MYO16: variants seen among roughly 807,000 people sequenced by gnomAD.
MYO16 encodes the protein myosin XVI, also known as unconventional myosin-XVI.
MYO16 carries 94 observed loss-of-function variants against 205.3 expected under a neutral mutation model. That is an observed-to-expected ratio of 0.46 (90% CI 0.39 to 0.54). MYO16 has a LOEUF of 0.54. Ranked by LOEUF, MYO16 falls within the 20% of genes least tolerant of loss-of-function variation. MYO16 has a pLI of 0.00. For synonymous variants in MYO16, 988 were observed against 954.0 expected, an observed-to-expected ratio of 1.04 and a Z score of -0.66; for missense variants, 2,315 against 2,387.5, an observed-to-expected ratio of 0.97 and a Z score of 0.63.
chr13:108,676,916 G>A (rs1332395279), intron 2 of MYO16, among the ~76,000 whole-genome samples: 1 of 152,024 alleles, frequency 6.6e-6, no homozygotes, highest in Admixed American at 6.6e-5. Flanking sequence ...AGCCCTCCCC[G>A]ACATCCTCAG....
At chr13:108,636,183 G>A (rs1451925071) in intron 1 of MYO16, among the ~76,000 whole-genome samples, 1 of 151,950 alleles carries the variant, frequency 6.6e-6, no homozygotes, top group Admixed American at 6.6e-5. Context: ...TTTAGTTTAA[G>A]GTTACACTGT....
chr13:108,606,459 C>T (rs1026704832), intron 1 of MYO16, among the ~76,000 whole-genome samples: 2 of 152,190 alleles, frequency 1.3e-5, no homozygotes, highest in African/African-American at 2.4e-5. Context: ...GACCAAGGTA[C>T]AGCTTGGGCC....
intron 4 of MYO16, among the ~76,000 whole-genome samples, chr13:108,781,573 C>CCCA (rs1251691324): frequency 1.3e-5 from 2 of 152,166 alleles, no homozygotes; most frequent in Non-Finnish European, 2.9e-5. Context: ...CATTAGCGAG[C>CCCA]CAAGCTTGGC....
intron 1 of MYO16, among the ~76,000 whole-genome samples, chr13:108,607,936 T>C (rs1240234299): frequency 6.6e-6 from 1 of 152,208 alleles, no homozygotes; most frequent in Non-Finnish European, 1.5e-5. Context: ...GTTCCTGTTC[T>C]CTGATCCTAC....
At chr13:108,589,692 C>T in the MYO16 span, among the ~76,000 whole-genome samples, 3 of 152,080 alleles carry the variant, frequency 2.0e-5, no homozygotes, top group African/African-American at 7.2e-5. Context: ...CTCTCCCTCT[C>T]GCTGTCTGTC....
rs190739883 is a variant in MYO16, at chr13:108,763,443, C to T, written c.508-22192C>T. 1.6e-4 allele frequency among the ~76,000 whole-genome samples: 25 copies of T among 152,268 alleles called. 1 individual carries two copies. Among genetic ancestry groups the T allele is most frequent in the Admixed American group, 9.2e-4 (14 of 15,298 alleles). The stretch of plus-strand genomic sequence containing the variant: ...GGGAAATCTGCAGGTTCCGTCCTTG[C>T]AAGAACACTGCATAAAATCCTGGAA... On this transcript the variant is annotated intron_variant, in intron 4 of 34. Transcript: ENST00000457511.
At chr13:109,038,404 T>A (rs1273424867) in intron 23 of MYO16, among the ~76,000 whole-genome samples, 1 of 152,126 alleles carries the variant, frequency 6.6e-6, no homozygotes, top group Non-Finnish European at 1.5e-5. Flanking sequence ...TCTCTCTGCT[T>A]GACTGCTTGA....
intron 6 of MYO16, among the ~76,000 whole-genome samples, chr13:108,804,725 T>G (rs1887063404): frequency 6.6e-6 from 1 of 152,152 alleles, no homozygotes. Flanking sequence ...AGGGTTTTCA[T>G]TTGTTTGTTT....
intron 20 of MYO16, among the ~76,000 whole-genome samples, chr13:108,972,233 C>A (rs1884046798): frequency 6.3e-5 from 1 of 15,768 alleles, no homozygotes; most frequent in Non-Finnish European, 1.3e-4. Context: ...CTCTCTCTCT[C>A]TCTCTCTCTC....
At chr13:108,756,816 C>G (rs1265292317) in intron 4 of MYO16, among the ~76,000 whole-genome samples, 2 of 152,174 alleles carry the variant, frequency 1.3e-5, no homozygotes, top group Non-Finnish European at 2.9e-5. Context: ...TTTACCAACT[C>G]TCTTGGCATC....
At chr13:108,565,693 C>G in the MYO16 span, among the ~76,000 whole-genome samples, 1 of 152,078 alleles carries the variant, frequency 6.6e-6, no homozygotes, top group African/African-American at 2.4e-5. Context: ...TCTGATTGCT[C>G]TAGCTAGACC....
At chr13:109,183,495 G>A (rs2139925655) in intron 34 of MYO16, among the ~76,000 whole-genome samples, 1 of 152,322 alleles carries the variant, frequency 6.6e-6, no homozygotes, top group Middle Eastern at 3.4e-3. Context: ...GTCCACACTT[G>A]ACATTGAGAA....
At chr13:109,028,634 G>A (rs1886442405) in intron 23 of MYO16, among the ~76,000 whole-genome samples, 1 of 150,092 alleles carries the variant, frequency 6.7e-6, no homozygotes, top group Non-Finnish European at 1.5e-5. Context: ...TTTTATGATG[G>A]CATAAAAACT....
intron 34 of MYO16, among the ~76,000 whole-genome samples, chr13:109,182,344 G>A (rs1365192985): frequency 6.6e-6 from 1 of 152,100 alleles, no homozygotes; most frequent in Non-Finnish European, 1.5e-5. Flanking sequence ...GCAGAGTGAG[G>A]GACATATAAT....
In MYO16 at chr13:108,712,660, G is replaced by A; in HGVS notation, c.293-1G>A. 1.2e-6 allele frequency: 2 copies of A among 1,614,046 alleles called. No homozygotes were observed. The highest frequency in any genetic ancestry group is 8.5e-7 in the Non-Finnish European group (1 of 1,179,872). ...TCCATTCTCCTCTCTGTTGTTTTCA[G>A]TGCTTCGGCTCCTGAAGGAGGGGGC... On this transcript the variant is annotated splice_acceptor_variant, in intron 2 of 34. Transcript: ENST00000457511. LOFTEE classifies it high-confidence loss of function.
chr13:108,723,657 C>A (rs1455400599), intron 3 of MYO16, among the ~76,000 whole-genome samples: 2 of 152,078 alleles, frequency 1.3e-5, no homozygotes, highest in African/African-American at 4.8e-5. Context: ...TTTCTAAATT[C>A]TCTATTATGT....
At chr13:108,558,105 C>A in the MYO16 span, among the ~76,000 whole-genome samples, 16 of 152,092 alleles carry the variant, frequency 1.1e-4, no homozygotes, top group Non-Finnish European at 2.1e-4. Context: ...AAATGAAAAA[C>A]AAAATTAAAT....
intron 20 of MYO16, among the ~76,000 whole-genome samples, chr13:108,974,637 T>A (rs989183726): frequency 6.6e-6 from 1 of 152,218 alleles, no homozygotes; most frequent in Non-Finnish European, 1.5e-5. Flanking sequence ...ATTGAAGAAT[T>A]CTATTTTTGT....
At chr13:109,203,144 C>T (rs1269089966) in intron 34 of MYO16, among the ~76,000 whole-genome samples, 1 of 152,152 alleles carries the variant, frequency 6.6e-6, no homozygotes, top group African/African-American at 2.4e-5. Flanking sequence ...TAGGCAAAGA[C>T]TTTATGACCA....
Sources: gnomAD v4.1 joint callset for allele counts (sites outside exome capture counted in the v4.1 genomes callset) on GRCh38, gnomAD v4.1.1 for gene constraint, MANE v1.5 for transcripts, NCBI Gene and HGNC (gene_info 2026-07-23, HGNC 2026-07-21) for gene names.